The following CAPN7 variants were observed in gnomAD, a reference collection of about 807,000 sequenced individuals.
The protein encoded by CAPN7 is calpain 7.
CAPN7 carries 72 observed loss-of-function variants against 115.2 expected under a neutral mutation model. The ratio of observed to expected loss-of-function variants is 0.63; its 90% CI spans 0.52 to 0.76. CAPN7 has a LOEUF of 0.76. CAPN7 is among the 30% of genes least tolerant of loss of function. The pLI, the probability that CAPN7 is intolerant of heterozygous loss-of-function variation, is 0.00. For missense variants in CAPN7, 905 were observed against 971.5 expected, an observed-to-expected ratio of 0.93 and a Z score of 0.91; for synonymous variants, 344 against 322.3, an observed-to-expected ratio of 1.07 and a Z score of -0.72.
chr3:15,206,703 T>G, intron 1 of CAPN7, 106 bp downstream of exon 1: 2 of 801,542 alleles, frequency 2.5e-6, no homozygotes, highest in Non-Finnish European at 3.9e-6. Flanking sequence ...GCCCCGGCTT[T>G]GCTTTTCCCT....
At position 15,247,401 on chromosome 3, in the gene CAPN7, C is replaced by T. The variant is rs1695728190; in HGVS notation, c.2148C>T (p.Ile716=). The stretch of plus-strand genomic sequence containing the variant: ...AAGAGACTCACAAAAATAACCCCAT[C>T]TACCAATTCCATATAGAAAAGACTG... ...NFQETHKNNP[I]YQFHIEKTGP... is the part of the protein sequence containing the mutation. The change falls in exon 19 of 21, where the codon ATC becomes ATT. Residue 716 remains isoleucine (I), a synonymous_variant. Transcript: ENST00000253693. 2 of 1,611,938 alleles carry T rather than the reference C, an allele frequency of 1.2e-6. No homozygotes were observed. Among genetic ancestry groups the T allele is most frequent in the Non-Finnish European group, 1.7e-6 (2 of 1,178,788 alleles).
At position 15,217,562 on chromosome 3, in the gene CAPN7, G is replaced by A. The variant is rs1018484212; in HGVS notation, c.349G>A (p.Val117Met). 1.2e-6 allele frequency: 2 copies of A among 1,612,564 alleles called. No homozygotes were observed. Among genetic ancestry groups the A allele is most frequent in the African/African-American group, 1.3e-5 (1 of 74,876 alleles). ...EDAIELYTEA[V>M]DLCLKTSYET... ...TGCTATAGAATTGTACACAGAAGCTGTGGATCTCTGTCTGAAAACAGTGTG... is the reference window on the plus strand; with the variant it reads ...TGCTATAGAATTGTACACAGAAGCTATGGATCTCTGTCTGAAAACAGTGTG... Residue 117 changes from valine to methionine, a missense_variant, in exon 3 of 21, where the codon GTG becomes ATG. Physicochemically the swap from Val to Met is conservative, Grantham distance 21. Coordinates refer to ENST00000253693, the MANE Select transcript of CAPN7 (RefSeq NM_014296.3).
chr3:15,214,929 T>C (rs980831237), intron 2 of CAPN7, among the ~76,000 whole-genome samples: 1 of 152,226 alleles, frequency 6.6e-6, no homozygotes, highest in African/African-American at 2.4e-5. Flanking sequence ...AGGAATATGC[T>C]TCTGGGATTT....
intron 4 of CAPN7, among the ~76,000 whole-genome samples, chr3:15,220,561 T>C (rs898110801): frequency 1.3e-5 from 2 of 152,240 alleles, no homozygotes; most frequent in African/African-American, 4.8e-5. Flanking sequence ...TGTCTGATTA[T>C]GTAAGTGCTT....
Position 15,220,829 on chromosome 3 carries a change from T to G in CAPN7, c.486T>G (p.Ser162Arg). Residue 162 changes from serine (S) to arginine (R), a missense_variant, in exon 5 of 21, where the codon AGT becomes AGG. Physicochemically the swap from Ser to Arg is moderately radical, Grantham distance 110. Coordinates refer to ENST00000253693, the MANE Select transcript of CAPN7 (RefSeq NM_014296.3). ...EPLTKPVGKI[S>R]STSVKPKPPP... is the part of the protein sequence containing the mutation. ...TGACCAAGCCAGTTGGCAAAATCAG[T>G]TCAACAAGTGTTAAGCCAAAGCCAC... 6 of 1,614,182 alleles carry G rather than the reference T, an allele frequency of 3.7e-6. No individual in the cohort carries two copies. The highest frequency in any genetic ancestry group is 1.7e-5 in the Admixed American group (1 of 60,020).
rs979830019 is a variant in CAPN7 at position 15,206,731 on chromosome 3, T to C, written c.102+134T>C. On this transcript the variant is annotated intron_variant, in intron 1 of 20. Coordinates refer to ENST00000253693, the MANE Select transcript of CAPN7 (RefSeq NM_014296.3). ...TTTTCCCTCGTCCGCCTCCCGGCCC[T>C]CCTCTTGTTGGGAGCGGCAAGCCCG... 26 of 656,926 alleles carry C rather than the reference T, an allele frequency of 4.0e-5. No homozygotes were observed. In the African/African-American group the frequency reaches 4.3e-4, roughly 11 times the overall value. 40.7% of individuals were successfully genotyped at this position (656,926 alleles called of 1,614,324 possible).
chr3:15,241,485 A>T lies in CAPN7; in HGVS notation c.1685A>T (p.Asp562Val), dbSNP rs1695345366. ...GATGCTAAGCAAGGACCTGTGAAAG[A>T]TGCCTATAGCCTGGCCAACAACCCC... ...TWDAKQGPVK[D>V]AYSLANNPQY... The change falls in exon 15 of 21, where the codon GAT (aspartate) becomes GTT (valine). Residue 562 changes from aspartate to valine, a missense_variant. Transcript: ENST00000253693. The T allele has an allele frequency of 6.2e-7, 1 of 1,613,982 alleles. No homozygotes were observed. The highest frequency in any genetic ancestry group is 1.1e-5 in the South Asian group (1 of 91,082).
intron 19 of CAPN7, among the ~76,000 whole-genome samples, chr3:15,247,781 CAA>C (rs60861711): frequency 0.12 from 17,863 of 151,912 alleles, 3,485 homozygotes; most frequent in African/African-American, 0.4. Context: ...TTTCTTAAGA[CAA>C]AGAGCATATT....
chr3:15,244,224 G>A (rs1223189008), intron 16 of CAPN7, among the ~76,000 whole-genome samples: 1 of 152,180 alleles, frequency 6.6e-6, no homozygotes, highest in Non-Finnish European at 1.5e-5. Context: ...TTGATGGCAG[G>A]CACTGAGTCT....
intron 12 of CAPN7, 23 bp from the exon 13 acceptor site, chr3:15,240,450 T>C (rs753829082): frequency 2.3e-5 from 37 of 1,602,074 alleles, no homozygotes; most frequent in African/African-American, 2.7e-5. Context: ...CTTAATGTTA[T>C]CTCCTGTTTC....
rs1696047429 is a variant in CAPN7 at position 15,252,544 on chromosome 3, A to C, written c.*1284A>C. 1.3e-5 allele frequency: 2 copies of C among 152,226 alleles called. No homozygotes were observed. The highest frequency in any genetic ancestry group is 2.4e-5 in the African/African-American group (1 of 41,466). The allele number at this position is 152,226 out of a possible 1,614,324, so 9.4% of individuals were successfully genotyped here. On this transcript the variant is annotated 3_prime_UTR_variant, in exon 21 of 21. Coordinates refer to ENST00000253693, the MANE Select transcript of CAPN7 (RefSeq NM_014296.3). ...TTTCTGTTACTTTTTAAAAAGAAAA[A>C]ATCCAGAACATAAGAACTATATTAT...
At chr3:15,237,788 A>C (rs1210311733) in intron 12 of CAPN7, among the ~76,000 whole-genome samples, 1 of 151,990 alleles carries the variant, frequency 6.6e-6, no homozygotes, top group Non-Finnish European at 1.5e-5. Context: ...TGAGCAACAT[A>C]GCAAGACCCC....
chr3:15,249,311 A>G (rs763479230), intron 19 of CAPN7, among the ~76,000 whole-genome samples: 2 of 151,074 alleles, frequency 1.3e-5, no homozygotes, highest in African/African-American at 2.5e-5. Flanking sequence ...TTTCTTGCCC[A>G]TAGAGTTGTC....
At chr3:15,249,006 C>CAAAAAAAAAAAAAA (rs1460568964) in intron 19 of CAPN7, among the ~76,000 whole-genome samples, 7 of 50,700 alleles carry the variant, frequency 1.4e-4, no homozygotes, top group South Asian at 8.7e-4. Flanking sequence ...ATACAACAAC[C>CAAAAAAAAAAAAAA]AAAAAAAAAA....
intron 12 of CAPN7, among the ~76,000 whole-genome samples, chr3:15,239,988 A>C (rs1241126167): frequency 6.6e-6 from 1 of 152,258 alleles, no homozygotes; most frequent in Non-Finnish European, 1.5e-5. Flanking sequence ...GAAAAACTAG[A>C]TTAGAGCCAA....
intron 18 of CAPN7, 163 bp from the exon 19 acceptor site, chr3:15,247,164 C>T (rs1363736363): frequency 1.7e-6 from 1 of 589,420 alleles, no homozygotes; most frequent in Non-Finnish European, 2.9e-6. Context: ...GTTAGTGGAG[C>T]AAAGCAGCCT....
chr3:15,245,222 A>G (rs1695589088), intron 16 of CAPN7, among the ~76,000 whole-genome samples: 1 of 151,984 alleles, frequency 6.6e-6, no homozygotes, highest in South Asian at 2.1e-4. Flanking sequence ...TCCTGACTTT[A>G]AGATCCTCTA....
intron 16 of CAPN7, among the ~76,000 whole-genome samples, chr3:15,244,470 G>A (rs1695540341): frequency 6.6e-6 from 1 of 152,152 alleles, no homozygotes; most frequent in African/African-American, 2.4e-5. Context: ...CTGAAACATG[G>A]AAAGGTTAAA....
chr3:15,222,470 C>G (rs1694060001), intron 5 of CAPN7, among the ~76,000 whole-genome samples: 1 of 152,160 alleles, frequency 6.6e-6, no homozygotes, highest in Non-Finnish European at 1.5e-5. Context: ...TAAAATTGAG[C>G]TGAAAGGGCT....
Sources: allele counts gnomAD v4.1 joint callset (sites outside exome capture counted in the v4.1 genomes callset), GRCh38; gene constraint gnomAD v4.1.1; transcripts MANE v1.5; gene names NCBI Gene and HGNC (gene_info 2026-07-23, HGNC 2026-07-21).